NLRP2: variants seen among roughly 807,000 people sequenced by gnomAD.
NLRP2 encodes NACHT, LRR and PYD domains-containing protein 2.
A neutral mutation model predicts 97.2 loss-of-function variants in NLRP2; 107 were observed. That is an observed-to-expected ratio of 1.10 (90% CI 0.94 to 1.29). NLRP2 has a LOEUF of 1.29. Ranked by LOEUF, NLRP2 falls within the 50% of genes most tolerant of loss-of-function variation. NLRP2 has a pLI of 0.00. For synonymous variants in NLRP2, 663 were observed against 551.5 expected, an observed-to-expected ratio of 1.20 and a Z score of -2.83; for missense variants, 1,495 against 1,330.3, an observed-to-expected ratio of 1.12 and a Z score of -1.93.
Position 54,982,524 on chromosome 19 carries a change from A to G in NLRP2, c.826A>G (p.Ile276Val), listed in dbSNP as rs756761757. 10 of 1,614,140 alleles carry G rather than the reference A, an allele frequency of 6.2e-6. No homozygotes were observed. The highest frequency in any genetic ancestry group is 7.6e-6 in the Non-Finnish European group (9 of 1,180,026). The change falls in exon 6 of 13, where the codon ATC becomes GTC. Residue 276 changes from isoleucine to valine, a missense_variant. Physicochemically the swap from Ile to Val is conservative, Grantham distance 29. Coordinates refer to ENST00000448584, the MANE Select transcript of NLRP2 (RefSeq NM_017852.5). ...WPELQDDIPHILAQARKILFV... is the reference protein window; with the variant it reads ...WPELQDDIPHVLAQARKILFV... ...TGAATTGCAGGATGACATTCCACAC[A>G]TCCTAGCCCAAGCACGGAAAATCTT...
At chr19:54,975,086 C>G (rs2071113022) in intron 3 of NLRP2, among the ~76,000 whole-genome samples, 1 of 138,448 alleles carries the variant, frequency 7.2e-6, no homozygotes, top group African/African-American at 2.7e-5. Flanking sequence ...TGGGCATGAG[C>G]CACCACCACA....
rs2071785599 is a variant in NLRP2 at position 54,983,422 on chromosome 19, G to A, written c.1724G>A (p.Cys575Tyr). 2.5e-6 allele frequency: 4 copies of A among 1,614,096 alleles called. No homozygotes were observed. The highest frequency in any genetic ancestry group is 2.7e-5 in the African/African-American group (2 of 74,946). ...AAGGAGTTGGAGGCCACTTTTGGCTGCCGGATGTCACCGGACATCAAACAG... is the reference window on the plus strand; with the variant it reads ...AAGGAGTTGGAGGCCACTTTTGGCTACCGGATGTCACCGGACATCAAACAG... ...RAKELEATFGCRMSPDIKQEL... is the reference protein window; with the variant it reads ...RAKELEATFGYRMSPDIKQEL... The change falls in exon 6 of 13, where the codon TGC becomes TAC. Residue 575 changes from cysteine (C) to tyrosine (Y), a missense_variant. Coordinates refer to ENST00000448584, the MANE Select transcript of NLRP2 (RefSeq NM_017852.5).
At chr19:54,971,400 G>A (rs529219719) in intron 2 of NLRP2, among the ~76,000 whole-genome samples, 4 of 152,238 alleles carry the variant, frequency 2.6e-5, no homozygotes, top group South Asian at 2.1e-4. Flanking sequence ...TCCCCACACC[G>A]ACTTCCACAA....
chr19:54,983,914 G>A (rs888138623), intron 6 of NLRP2, among the ~76,000 whole-genome samples, 186 bp downstream of exon 6: 12 of 152,146 alleles, frequency 7.9e-5, no homozygotes, highest in African/African-American at 2.4e-4. Context: ...GCAGTGGCGC[G>A]ATCTTGGCTC....
intron 7 of NLRP2, 68 bp from the exon 8 acceptor site, chr19:54,986,083 C>G: frequency 9.7e-7 from 1 of 1,035,826 alleles, no homozygotes; most frequent in Non-Finnish European, 1.5e-6. Context: ...TATCGAGCCC[C>G]TGGTTTCCAT....
intron 1 of NLRP2, among the ~76,000 whole-genome samples, chr19:54,968,341 C>A (rs922790797): frequency 6.6e-6 from 1 of 151,740 alleles, no homozygotes; most frequent in African/African-American, 2.4e-5. Flanking sequence ...CCACCACCCC[C>A]AGTGTTGTGT....
rs1376024822 is a variant in NLRP2 at position 54,966,697 on chromosome 19, C to T, written c.-18+230C>T. ...AGTAGCTGAGACTACAGGCACCTGC[C>T]ACTATGCCCAGCTAATTTTTTTGTA... On this transcript the variant is annotated intron_variant, in intron 1 of 12. Coordinates refer to ENST00000448584, the MANE Select transcript of NLRP2 (RefSeq NM_017852.5). Among the ~76,000 whole-genome samples, 4 of 152,048 alleles carry T rather than the reference C, an allele frequency of 2.6e-5. No homozygotes were observed. In the East Asian group the frequency reaches 5.8e-4, roughly 22 times the overall value.
At chr19:54,986,858 T>TGTTTTG (rs777745835) in intron 8 of NLRP2, among the ~76,000 whole-genome samples, 10 of 150,366 alleles carry the variant, frequency 6.7e-5, no homozygotes, top group East Asian at 4.0e-4. Flanking sequence ...AGAGTCCTTA[T>TGTTTTG]GTTTTGGTTT....
chr19:54,978,863 A>G (rs1464797738), intron 4 of NLRP2, among the ~76,000 whole-genome samples: 4 of 148,670 alleles, frequency 2.7e-5, no homozygotes, highest in East Asian at 2.0e-4. Context: ...AAAAAAAAAA[A>G]TTGACAGGCA....
chr19:54,990,061 T>C lies in NLRP2; in HGVS notation c.2406T>C (p.Asp802=), dbSNP rs1317704189. ...CCGCTACCACTCAGCAGTGGGCTGA[T>C]CTCTCCTTGGCCCTTGAAGTCAACC... ...SCSATTQQWA[D]LSLALEVNQS... is the part of the protein sequence containing the mutation. The change falls in exon 9 of 13, where the codon GAT becomes GAC. Residue 802 remains aspartate, a synonymous_variant. Coordinates refer to ENST00000448584, the MANE Select transcript of NLRP2 (RefSeq NM_017852.5). 3.1e-6 allele frequency: 5 copies of C among 1,613,950 alleles called. No individual in the cohort carries two copies. The South Asian group carries it at 5.5e-5, about 18-fold the overall frequency.
At chr19:54,973,967 C>T (rs1045549897) in intron 2 of NLRP2, 100 of 1,045,604 alleles carry the variant, frequency 9.6e-5, no homozygotes, top group Middle Eastern at 2.2e-4. Flanking sequence ...GCAGACTAAG[C>T]CGATTTTCCG....
chr19:54,985,250 T>C (rs1362381956), intron 7 of NLRP2, 33 bp downstream of exon 7: 1 of 1,597,556 alleles, frequency 6.3e-7, no homozygotes, highest in African/African-American at 1.3e-5. Flanking sequence ...ACTCAAATCC[T>C]TAGGGTATGA....
chr19:55,000,726 C>G, intron 12 of NLRP2, 34 bp from the exon 13 acceptor site: 1 of 1,610,952 alleles, frequency 6.2e-7, no homozygotes, highest in East Asian at 2.2e-5. Context: ...CCTTGATGCA[C>G]AAAGTAACCT....
rs2071624033 is a variant in NLRP2, at chr19:54,982,248, GTT to G, written c.551_552del (p.Val184AspfsTer3). ...GCCTGGAGATAGCAAAGAGGTCCAG[GTT>G]ATGGCTGAGAGATACAAGATGCTGA... is the stretch of plus-strand genomic sequence containing the variant. ...SWPGDSKEVQ[V>X]MAERYKMLIP... On this transcript the variant is annotated frameshift_variant, in exon 6 of 13. Transcript: ENST00000448584. LOFTEE classifies it high-confidence loss of function. The G allele has an allele frequency of 4.3e-6, 7 of 1,614,134 alleles. No homozygotes were observed. Among genetic ancestry groups the G allele is most frequent in the Non-Finnish European group, 5.9e-6 (7 of 1,180,032 alleles).
chr19:54,971,984 A>G (rs1265841011), intron 2 of NLRP2, among the ~76,000 whole-genome samples: 2 of 140,534 alleles, frequency 1.4e-5, no homozygotes, highest in Non-Finnish European at 3.0e-5. Flanking sequence ...ATGTCCCACC[A>G]TGCCTGGCTG....
At chr19:54,999,907 T>G (rs930837743) in intron 12 of NLRP2, among the ~76,000 whole-genome samples, 6 of 151,976 alleles carry the variant, frequency 3.9e-5, no homozygotes, top group African/African-American at 9.7e-5. Flanking sequence ...CAACTAACTT[T>G]TATATTTTTA....
At position 54,977,827 on chromosome 19, in the gene NLRP2, G is replaced by A; in HGVS notation, c.397+4G>A. On this transcript the variant is annotated splice_donor_region_variant and intron_variant, in intron 4 of 12. Coordinates refer to ENST00000448584, the MANE Select transcript of NLRP2 (RefSeq NM_017852.5). ...CGCTTCAAAACAGAAGCACAAGGTG[G>A]GTGTCAGGACCTCCAATGTTGGAGT... is the stretch of plus-strand genomic sequence containing the variant. 4 of 1,613,302 alleles carry A rather than the reference G, an allele frequency of 2.5e-6. No homozygotes were observed. The highest frequency in any genetic ancestry group is 3.4e-6 in the Non-Finnish European group (4 of 1,179,898).
intron 2 of NLRP2, among the ~76,000 whole-genome samples, chr19:54,971,540 A>T (rs1040691396): frequency 1.3e-5 from 2 of 151,492 alleles, no homozygotes; most frequent in East Asian, 3.9e-4. Context: ...GATATCTCAT[A>T]GTGGTTTTGA....
At chr19:54,969,694 C>G (rs1358627407) in intron 1 of NLRP2, among the ~76,000 whole-genome samples, 1 of 152,106 alleles carries the variant, frequency 6.6e-6, no homozygotes, top group Non-Finnish European at 1.5e-5. Context: ...AGGTCTTGCT[C>G]TGTTGCCCAG....
Sources: allele counts gnomAD v4.1 joint callset (sites outside exome capture counted in the v4.1 genomes callset), GRCh38; gene constraint gnomAD v4.1.1; transcripts MANE v1.5; gene names NCBI Gene and HGNC (gene_info 2026-07-23, HGNC 2026-07-21).